Variants in UVRAG observed in about 807,000 individuals in gnomAD.
UVRAG encodes the protein UV radiation resistance-associated gene protein.
Under a neutral mutation model 78.0 loss-of-function variants are expected in UVRAG, and 19 were observed. The observed-to-expected ratio is 0.24, with a 90% CI of 0.17 to 0.36. The LOEUF is 0.36. Ranked by LOEUF, UVRAG falls within the 10% of genes least tolerant of loss-of-function variation. The probability of loss-of-function intolerance (pLI) is 1.00; values close to 1 mark genes in which losing one functional copy is unlikely to be tolerated. For missense variants in UVRAG, 740 were observed against 853.8 expected, an observed-to-expected ratio of 0.87 and a Z score of 1.66; for synonymous variants, 323 against 324.6, an observed-to-expected ratio of 1.00 and a Z score of 0.05.
chr11:75,841,423 G>T (rs1945906330), intron 1 of UVRAG, among the ~76,000 whole-genome samples: 1 of 152,002 alleles, frequency 6.6e-6, no homozygotes, highest in South Asian at 2.1e-4. Context: ...AAGCGTAAAA[G>T]ATTTACTCCC....
At chr11:75,879,857 G>A (rs202061269) in intron 3 of UVRAG, 22 bp from the exon 4 acceptor site, 56 of 1,611,316 alleles carry the variant, frequency 3.5e-5, no homozygotes, top group Admixed American at 1.3e-4. Flanking sequence ...GTCCTAAAGC[G>A]TGTTTTCATT....
chr11:76,064,853 A>G (rs548082148), intron 12 of UVRAG, among the ~76,000 whole-genome samples: 38 of 152,368 alleles, frequency 2.5e-4, no homozygotes, highest in African/African-American at 8.9e-4. Flanking sequence ...ATAATTGTAT[A>G]TCGCAGAAGT....
At chr11:75,868,766 G>T (rs376891108) in intron 3 of UVRAG, among the ~76,000 whole-genome samples, 6 of 152,300 alleles carry the variant, frequency 3.9e-5, no homozygotes, top group African/African-American at 1.4e-4. Flanking sequence ...TTATAAAAGA[G>T]ATTAATTATA....
rs1945240657 is a variant in UVRAG, at chr11:75,815,514, C to T, written c.107C>T (p.Pro36Leu). 3 of 1,237,486 alleles carry T rather than the reference C, an allele frequency of 2.4e-6. No homozygotes were observed. Among genetic ancestry groups the T allele is most frequent in the Admixed American group, 4.2e-5 (1 of 23,678 alleles). The allele number at this position is 1,237,486 out of a possible 1,614,324, so 76.7% of individuals were successfully genotyped here. A position where few individuals can be genotyped will look rare whatever the true frequency, so the allele number is the denominator to read the frequency against. Residue 36 changes from proline to leucine, a missense_variant, in exon 1 of 15, where the codon CCG becomes CTG. Coordinates refer to ENST00000356136, the MANE Select transcript of UVRAG (RefSeq NM_003369.4). ...GCGCGGGCCCTGCATGTGGAGCTGC[C>T]GTCTCAGCAGGTAAGCCCGCGCGGC... The part of the protein sequence containing the change: ...SAARALHVEL[P>L]SQQRRLRHLR...
At chr11:76,089,535 A>G (rs529853226) in intron 13 of UVRAG, among the ~76,000 whole-genome samples, 1 of 152,252 alleles carries the variant, frequency 6.6e-6, no homozygotes, top group East Asian at 1.9e-4. Flanking sequence ...TTGAAAATGG[A>G]AGGAAGGGGG....
chr11:76,054,933 AAAGT>A (rs1950949729), intron 12 of UVRAG, among the ~76,000 whole-genome samples: 1 of 152,236 alleles, frequency 6.6e-6, no homozygotes, highest in South Asian at 2.1e-4. Flanking sequence ...TCTTTGGTAT[AAAGT>A]AAGTAAATCA....
chr11:76,085,199 A>C (rs1329529570), intron 13 of UVRAG, among the ~76,000 whole-genome samples: 2 of 152,068 alleles, frequency 1.3e-5, no homozygotes, highest in East Asian at 3.8e-4. Flanking sequence ...AAAGTTACTA[A>C]TGTGATTTAT....
intron 4 of UVRAG, among the ~76,000 whole-genome samples, chr11:75,883,278 C>T: frequency 6.6e-6 from 1 of 150,380 alleles, no homozygotes. Flanking sequence ...TTGCCATACC[C>T]AGCTGAGCTT....
At chr11:76,048,940 C>T (rs572127305) in intron 12 of UVRAG, among the ~76,000 whole-genome samples, 1 of 152,226 alleles carries the variant, frequency 6.6e-6, no homozygotes, top group Non-Finnish European at 1.5e-5. Context: ...AGGCATAGGG[C>T]AGCAGGCATA....
chr11:75,862,203 G>A (rs960452411), intron 3 of UVRAG, among the ~76,000 whole-genome samples: 49 of 152,240 alleles, frequency 3.2e-4, no homozygotes, highest in African/African-American at 1.0e-3. Context: ...CTATAAATAA[G>A]TTTCTGATTA....
At chr11:76,008,763 TCTTTG>T in intron 10 of UVRAG, 39 bp from the exon 11 acceptor site, 3 of 1,129,488 alleles carry the variant, frequency 2.7e-6, no homozygotes, top group Non-Finnish European at 3.8e-6. Flanking sequence ...ACTTAGAGTT[TCTTTG>T]CTTTATTTAT....
intron 1 of UVRAG, chr11:75,835,362 C>T (rs183015830): frequency 8.5e-5 from 13 of 152,222 alleles, no homozygotes; most frequent in African/African-American, 3.1e-4. Context: ...TGGCAACCAA[C>T]CTTTAAACAC....
intron 13 of UVRAG, among the ~76,000 whole-genome samples, chr11:76,111,571 G>A (rs1355211923): frequency 2.6e-5 from 4 of 152,186 alleles, no homozygotes; most frequent in Admixed American, 6.5e-5. Context: ...AGGTGATTAC[G>A]TGAAAGTGTA....
intron 12 of UVRAG, among the ~76,000 whole-genome samples, chr11:76,036,745 A>C (rs1291906318): frequency 2.0e-5 from 3 of 151,938 alleles, no homozygotes; most frequent in Admixed American, 6.5e-5. Flanking sequence ...AAAAAAAAAA[A>C]CACAGACAAT....
At chr11:76,004,304 A>T (rs533356617) in intron 9 of UVRAG, among the ~76,000 whole-genome samples, 1 of 152,344 alleles carries the variant, frequency 6.6e-6, no homozygotes, top group East Asian at 1.9e-4. Flanking sequence ...GTATGTAGTT[A>T]TAATCAGAAA....
intron 1 of UVRAG, 52 bp from the exon 2 acceptor site, chr11:75,851,831 T>A: frequency 6.8e-7 from 1 of 1,461,774 alleles, no homozygotes; most frequent in Non-Finnish European, 9.4e-7. Context: ...TCCAGAAAAT[T>A]TTATAGGAGG....
At chr11:76,061,331 CTG>C (rs1218749237) in intron 12 of UVRAG, among the ~76,000 whole-genome samples, 3 of 152,162 alleles carry the variant, frequency 2.0e-5, no homozygotes, top group Non-Finnish European at 4.4e-5. Flanking sequence ...ACTCGGCTCT[CTG>C]TAAAATGAAC....
Position 76,143,060 on chromosome 11 carries a change from C to G in UVRAG, c.*1647C>G, listed in dbSNP as rs1952750727. 1 of 152,232 alleles carries G rather than the reference C, an allele frequency of 6.6e-6. No individual in the cohort carries two copies. The highest frequency in any genetic ancestry group is 1.5e-5 in the Non-Finnish European group (1 of 68,050). 9.4% of individuals were successfully genotyped at this position (152,232 alleles called of 1,614,324 possible). Reference sequence around the variant, plus strand: ...TCCACATGAAGAAGTGGGGCTCCTTCACCTAGAGCAGGAGCTTCTCTGCAG... The same window carrying G: ...TCCACATGAAGAAGTGGGGCTCCTTGACCTAGAGCAGGAGCTTCTCTGCAG... On this transcript the variant is annotated 3_prime_UTR_variant, in exon 15 of 15. Coordinates refer to ENST00000356136, the MANE Select transcript of UVRAG (RefSeq NM_003369.4).
chr11:75,898,881 C>CATACTAATGG (rs1353240140), intron 5 of UVRAG, among the ~76,000 whole-genome samples: 2 of 152,056 alleles, frequency 1.3e-5, no homozygotes, highest in African/African-American at 2.4e-5. Flanking sequence ...TCTTGCTAGT[C>CATACTAATGG]ATACTAATGG....
Sources: gnomAD v4.1 joint callset for allele counts (sites outside exome capture counted in the v4.1 genomes callset) on GRCh38, gnomAD v4.1.1 for gene constraint, MANE v1.5 for transcripts, NCBI Gene and HGNC (gene_info 2026-07-23, HGNC 2026-07-21) for gene names.